Variants in TMEM120A observed in about 807,000 individuals in gnomAD.
TMEM120A encodes the protein transmembrane protein 120A.
In TMEM120A, 45 loss-of-function variants were observed where a neutral mutation model predicts 54.3. The observed-to-expected ratio is 0.83, with a 90% CI of 0.65 to 1.06. The LOEUF (loss-of-function observed/expected upper bound fraction) is 1.06. TMEM120A is among the 50% of genes least tolerant of loss of function. The probability of loss-of-function intolerance (pLI) is 0.00; values close to 1 mark genes in which losing one functional copy is unlikely to be tolerated. For synonymous variants in TMEM120A, 204 were observed against 178.5 expected (o/e 1.14, Z -1.14); for missense variants, 424 against 441.7 (o/e 0.96, Z 0.36).
In TMEM120A at chr7:75,989,200, C is replaced by A; in HGVS notation, c.342G>T (p.Gly114=). The A allele has an allele frequency of 6.4e-7, 1 of 1,563,948 alleles. No individual in the cohort carries two copies. The highest frequency in any genetic ancestry group is 8.7e-7 in the Non-Finnish European group (1 of 1,155,490). ...TGCTCAGGAGCGTGACGTTGACGTTCCCCAGAACCAGGCTCAGGTACAATC... is the reference window on the plus strand; with the variant it reads ...TGCTCAGGAGCGTGACGTTGACGTTACCCAGAACCAGGCTCAGGTACAATC... ...KNGLYLSLVL[G]NVNVTLLSKQ... Residue 114 remains glycine, a synonymous_variant, in exon 4 of 12, where the codon GGG becomes GGT. Coordinates refer to ENST00000493111, the MANE Select transcript of TMEM120A (RefSeq NM_031925.3).
At chr7:75,988,615 G>T in intron 4 of TMEM120A, 99 bp from the exon 5 acceptor site, 1 of 555,112 alleles carries the variant, frequency 1.8e-6, no homozygotes. Context: ...TCGGATGGAG[G>T]AGAAGGCCGG....
intron 4 of TMEM120A, 112 bp from the exon 5 acceptor site, chr7:75,988,628 T>TG (rs1789665005): frequency 1.4e-5 from 3 of 210,090 alleles, no homozygotes; most frequent in Non-Finnish European, 2.7e-5. Context: ...AAGGCCGGGT[T>TG]GGGGGGTGGA....
At position 75,988,410 on chromosome 7, in the gene TMEM120A, G is replaced by A. The variant is rs782077949; in HGVS notation, c.473+11C>T. ...GATGGGGTGGGTCCTCGGCCGGGGT[G>A]GGACGCCCACCTGGAGTTGAGCAGG... On this transcript the variant is annotated intron_variant, in intron 5 of 11. Coordinates refer to ENST00000493111, the MANE Select transcript of TMEM120A (RefSeq NM_031925.3). 6.2e-6 allele frequency: 10 copies of A among 1,610,738 alleles called. No homozygotes were observed. The highest frequency in any genetic ancestry group is 1.3e-5 in the African/African-American group (1 of 74,674).
intron 1 of TMEM120A, among the ~76,000 whole-genome samples, chr7:75,994,041 G>A (rs1488548243): frequency 7.0e-6 from 1 of 142,870 alleles, no homozygotes; most frequent in Admixed American, 7.4e-5. Context: ...CAAAGGCCTC[G>A]GCGGCGCGCG....
intron 4 of TMEM120A, 131 bp downstream of exon 4, chr7:75,989,016 GTGGAGGGGAAGGCCGGGT>G (rs1789711408): frequency 8.5e-6 from 1 of 118,244 alleles, no homozygotes; most frequent in Non-Finnish European, 2.0e-5. Context: ...GGGGTGGGGG[GTGGAGGGGAAGGCCGGGT>G]TGGGGGGTGG....
Position 75,987,200 on chromosome 7 carries a change from CTG to C in TMEM120A, c.1002_1003del (p.His334GlnfsTer57). ...ATCCTTCTTGCTCCCGTGCCGCTGACTGTGAAACTTGTGGTGCACAACCCTCA... is the reference window on the plus strand; with the variant it reads ...ATCCTTCTTGCTCCCGTGCCGCTGACTGAAACTTGTGGTGCACAACCCTCA... On this transcript the variant is annotated frameshift_variant, in exon 12 of 12. Coordinates refer to ENST00000493111, the MANE Select transcript of TMEM120A (RefSeq NM_031925.3). LOFTEE classifies it high-confidence loss of function. 2 of 1,607,248 alleles carry C rather than the reference CTG, an allele frequency of 1.2e-6. No individual in the cohort carries two copies. The highest frequency in any genetic ancestry group is 8.5e-7 in the Non-Finnish European group (1 of 1,177,508).
intron 1 of TMEM120A, among the ~76,000 whole-genome samples, chr7:75,992,884 C>T (rs181639281): frequency 7.9e-5 from 12 of 152,296 alleles, no homozygotes; most frequent in Non-Finnish European, 1.6e-4. Context: ...CTCACTCCAA[C>T]CTCCGCCTCC....
Position 75,994,466 on chromosome 7 carries a change from C to T in TMEM120A, c.81+24G>A, listed in dbSNP as rs782153980. Reference sequence around the variant, plus strand: ...CCAGCGAGACGCGGCTCGGGGGCGACCCGGCGTCCGCAGCGGCGCTAACCT... The same window carrying T: ...CCAGCGAGACGCGGCTCGGGGGCGATCCGGCGTCCGCAGCGGCGCTAACCT... On this transcript the variant is annotated intron_variant, in intron 1 of 11. Transcript: ENST00000493111. The T allele has an allele frequency of 3.9e-6, 6 of 1,550,348 alleles. No individual in the cohort carries two copies. The African/African-American group carries it at 4.1e-5, about 11-fold the overall frequency.
chr7:75,992,130 G>A lies in TMEM120A; in HGVS notation c.317+14C>T. The A allele has an allele frequency of 6.4e-7, 1 of 1,571,622 alleles. No homozygotes were observed. Among genetic ancestry groups the A allele is most frequent in the Non-Finnish European group, 8.7e-7 (1 of 1,154,100 alleles). On this transcript the variant is annotated intron_variant, in intron 3 of 11. Transcript: ENST00000493111. ...GCTGTGAACTGAGCTGGGGGTGGCGGTGGGGGCCCTCACCCATTCTTCTTA... is the reference window on the plus strand; with the variant it reads ...GCTGTGAACTGAGCTGGGGGTGGCGATGGGGGCCCTCACCCATTCTTCTTA...
intron 4 of TMEM120A, 127 bp downstream of exon 4, chr7:75,989,038 G>GGGGAAGGCT (rs1563441989): frequency 0.11 from 33,112 of 304,432 alleles, 11,664 homozygotes; most frequent in Non-Finnish European, 0.15. Flanking sequence ...GCCGGGTTGG[G>GGGGAAGGCT]GGGTGGAGGG....
intron 1 of TMEM120A, among the ~76,000 whole-genome samples, chr7:75,992,943 C>T (rs762776423): frequency 1.1e-4 from 17 of 152,226 alleles, no homozygotes; most frequent in Non-Finnish European, 2.4e-4. Context: ...GCTAGGATTA[C>T]AGGCACCTGC....
rs1554560399 is a variant in TMEM120A at position 75,987,923 on chromosome 7, T to C, written c.691A>G (p.Ser231Gly). The C allele has an allele frequency of 6.2e-7, 1 of 1,603,164 alleles. No homozygotes were observed. The highest frequency in any genetic ancestry group is 1.7e-5 in the Admixed American group (1 of 58,224). The change falls in exon 8 of 12, where the codon AGC becomes GGC. Residue 231 changes from serine (S) to glycine (G), a missense_variant and splice_region_variant. Physicochemically the swap from Ser to Gly is moderately conservative, Grantham distance 56. Coordinates refer to ENST00000493111, the MANE Select transcript of TMEM120A (RefSeq NM_031925.3). ...CAGCACAGACATCTGGGACACTCACTCTGGTACATGGAAAAGGAGAGGAAT... is the reference window on the plus strand; with the variant it reads ...CAGCACAGACATCTGGGACACTCACCCTGGTACATGGAAAAGGAGAGGAAT... ...NQFLSFSMYQ[S>G]FVQFLQYYYQ...
intron 1 of TMEM120A, among the ~76,000 whole-genome samples, chr7:75,994,288 G>T (rs1272715074): frequency 6.6e-6 from 1 of 152,060 alleles, no homozygotes; most frequent in Non-Finnish European, 1.5e-5. Flanking sequence ...CCAGCGCGAT[G>T]GGGTCCCGCC....
At chr7:75,990,134 G>T (rs1789779223) in intron 3 of TMEM120A, among the ~76,000 whole-genome samples, 1 of 152,170 alleles carries the variant, frequency 6.6e-6, no homozygotes, top group Non-Finnish European at 1.5e-5. Flanking sequence ...GCCAGCTTCA[G>T]CCTCCACTGC....
At chr7:75,990,638 C>T (rs1343227585) in intron 3 of TMEM120A, among the ~76,000 whole-genome samples, 1 of 152,126 alleles carries the variant, frequency 6.6e-6, no homozygotes, top group Non-Finnish European at 1.5e-5. Flanking sequence ...GTAATCCCAG[C>T]ACTTTGGGAG....
chr7:75,987,259 G>A lies in TMEM120A; in HGVS notation c.945C>T (p.Leu315=), dbSNP rs8509. 0.094 allele frequency: 151,543 copies of A among 1,605,580 alleles called. 7,530 individuals carry two copies. The highest frequency in any genetic ancestry group is 0.14 in the South Asian group (12,922 of 89,648). The change falls in exon 12 of 12, where the codon CTC becomes CTT. Residue 315 remains leucine, a synonymous_variant. Transcript: ENST00000493111. The part of the protein sequence containing the change: ...WQVLMCGFPF[L]LLFLGNFFTT... ...TGAAGAAATTGCCGAGGAAAAGGAG[G>A]AGGAAGGGAAAGCCGCACATAAGCA...
At chr7:75,991,192 G>A (rs1443893950) in intron 3 of TMEM120A, among the ~76,000 whole-genome samples, 2 of 152,046 alleles carry the variant, frequency 1.3e-5, no homozygotes, top group Non-Finnish European at 2.9e-5. Flanking sequence ...CCGTCCTCCT[G>A]GGTGACAGCT....
intron 1 of TMEM120A, among the ~76,000 whole-genome samples, chr7:75,994,276 G>A (rs1012441391): frequency 1.3e-5 from 2 of 152,182 alleles, no homozygotes; most frequent in East Asian, 3.9e-4. Context: ...AGCCGAGGTC[G>A]CCCAGCGCGA....
In TMEM120A at chr7:75,988,517, C is replaced by A. The variant is rs2116655590; in HGVS notation, c.378-1G>T. ...CTCATACTCGTCCTTGTAGGCAAAC[C>A]TGGGGGGCGCAGGCCGGTGAGACGG... On this transcript the variant is annotated splice_acceptor_variant, in intron 4 of 11. Transcript: ENST00000493111. LOFTEE classifies it high-confidence loss of function. 1 of 1,602,750 alleles carries A rather than the reference C, an allele frequency of 6.2e-7. No homozygotes were observed. The highest frequency in any genetic ancestry group is 8.5e-7 in the Non-Finnish European group (1 of 1,177,070).
Sources: gnomAD v4.1 joint callset for allele counts (sites outside exome capture counted in the v4.1 genomes callset) on GRCh38, gnomAD v4.1.1 for gene constraint, MANE v1.5 for transcripts, NCBI Gene and HGNC (gene_info 2026-07-23, HGNC 2026-07-21) for gene names.